ZNF615: variants seen among roughly 807,000 people sequenced by gnomAD.
ZNF615 encodes zinc finger protein 615.
ZNF615 carries 15 observed loss-of-function variants against 15.3 expected under a neutral mutation model. The ratio of observed to expected loss-of-function variants is 0.98; its 90% CI spans 0.66 to 1.51. The LOEUF (loss-of-function observed/expected upper bound fraction) is 1.51, where lower values mean the gene tolerates loss of function less well. Among genes scored for constraint, ZNF615 ranks in the 40% most tolerant of loss-of-function variants. ZNF615 has a pLI of 0.00. For synonymous variants in ZNF615, 268 were observed against 294.6 expected (o/e 0.91, Z 0.92); for missense variants, 848 against 895.9 (o/e 0.95, Z 0.68).
Position 51,993,651 on chromosome 19 carries a change from C to T in ZNF615, c.1458G>A (p.Gln486=). ...ATGGCTTCTCTGCAGTATGAGTTCGCTGATGTACAATGAGGTCACTCTTCA... is the reference window on the plus strand; with the variant it reads ...ATGGCTTCTCTGCAGTATGAGTTCGTTGATGTACAATGAGGTCACTCTTCA... ...FTMKSDLIVH[Q]RTHTAEKPYI... Residue 486 remains glutamine, a synonymous_variant, in exon 7 of 7, where the codon CAG becomes CAA. Transcript: ENST00000598071. 1 of 1,613,888 alleles carries T rather than the reference C, an allele frequency of 6.2e-7. No homozygotes were observed. Among genetic ancestry groups the T allele is most frequent in the East Asian group, 2.2e-5 (1 of 44,854 alleles).
intron 6 of ZNF615, among the ~76,000 whole-genome samples, chr19:51,999,676 A>C (rs1409883557): frequency 6.6e-6 from 1 of 152,232 alleles, no homozygotes; most frequent in Non-Finnish European, 1.5e-5. Flanking sequence ...ACAGAAATGA[A>C]TGCAGTCAAA....
chr19:51,993,961 A>G lies in ZNF615; in HGVS notation c.1148T>C (p.Phe383Ser), dbSNP rs767284854. ...HHRTHTGEKP[F>S]ICNKCGKGFT... Reference sequence around the variant, plus strand: ...GCCTTTCCCACATTTATTGCATATAAAGGGTTTCTCACCAGTATGAGTTCG... The same window carrying G: ...GCCTTTCCCACATTTATTGCATATAGAGGGTTTCTCACCAGTATGAGTTCG... The change falls in exon 7 of 7, where the codon TTT becomes TCT. Residue 383 changes from phenylalanine to serine, a missense_variant. Phe to Ser is a radical substitution (Grantham distance 155). Coordinates refer to ENST00000598071, the MANE Select transcript of ZNF615 (RefSeq NM_001199324.2). The G allele has an allele frequency of 5.6e-6, 9 of 1,611,258 alleles. No homozygotes were observed. The South Asian group carries it at 9.9e-5, about 18-fold the overall frequency.
chr19:51,998,890 A>C (rs1419334769), intron 6 of ZNF615, among the ~76,000 whole-genome samples: 1 of 152,144 alleles, frequency 6.6e-6, no homozygotes, highest in Non-Finnish European at 1.5e-5. Context: ...CCTGAACTCA[A>C]GTGATCCATC....
chr19:51,994,026 T>C lies in ZNF615; in HGVS notation c.1083A>G (p.Gly361=). The change falls in exon 7 of 7, where the codon GGA becomes GGG. Residue 361 remains glycine, a synonymous_variant. Transcript: ENST00000598071. The part of the protein sequence containing the change: ...GEKPYICSEC[G]KGFIEKRRLT... ...GACGCCTCTTCTCAATGAAGCCTTT[T>C]CCACATTCACTACATATATAAGGTT... 1 of 1,612,550 alleles carries C rather than the reference T, an allele frequency of 6.2e-7. No homozygotes were observed. Among genetic ancestry groups the C allele is most frequent in the Non-Finnish European group, 8.5e-7 (1 of 1,179,170 alleles).
chr19:52,003,787 G>A lies in ZNF615; in HGVS notation c.-76C>T, dbSNP rs372143389. The A allele has an allele frequency of 8.8e-6, 14 of 1,584,614 alleles. No homozygotes were observed. Among genetic ancestry groups the A allele is most frequent in the African/African-American group, 6.8e-5 (5 of 73,478 alleles). ...CTCTTCTGAATCAGCTCTAAATTTC[G>A]GTTCAAAAACTTCAATCTCCAATCA... On this transcript the variant is annotated 5_prime_UTR_variant, in exon 3 of 7. Coordinates refer to ENST00000598071, the MANE Select transcript of ZNF615 (RefSeq NM_001199324.2).
At chr19:52,001,993 C>T in intron 4 of ZNF615, 85 bp from the exon 5 acceptor site, 2 of 1,593,466 alleles carry the variant, frequency 1.3e-6, no homozygotes, top group Middle Eastern at 1.7e-4. Context: ...TTAAGGACTA[C>T]ATAGGTATCA....
chr19:51,996,407 A>AAAAAAACAC (rs755143397), intron 6 of ZNF615, among the ~76,000 whole-genome samples: 1 of 138,384 alleles, frequency 7.2e-6, no homozygotes, highest in East Asian at 2.2e-4. Flanking sequence ...AAAAAAAAAA[A>AAAAAAACAC]ACGCAAAACT....
In ZNF615 at chr19:51,994,565, T is replaced by A. The variant is rs375716314; in HGVS notation, c.544A>T (p.Lys182Ter). 2 of 1,614,018 alleles carry A rather than the reference T, an allele frequency of 1.2e-6. No homozygotes were observed. Among genetic ancestry groups the A allele is most frequent in the Non-Finnish European group, 1.7e-6 (2 of 1,180,028 alleles). ...AACTTCATTTCAGTATAAAATTGTT[T>A]ATGGTTAGCATGAAAAAGGGATTTC... ...DGKSLFHANH[K>*]QFYTEMKFPA... Residue 182 changes from lysine (K) to a stop codon, truncating the protein, a stop_gained, in exon 7 of 7, where the codon AAA becomes TAA. Coordinates refer to ENST00000598071, the MANE Select transcript of ZNF615 (RefSeq NM_001199324.2). LOFTEE classifies it low-confidence loss of function (END_TRUNC).
At chr19:52,001,139 G>C (rs2086578262) in intron 5 of ZNF615, among the ~76,000 whole-genome samples, 1 of 152,022 alleles carries the variant, frequency 6.6e-6, no homozygotes, top group Non-Finnish European at 1.5e-5. Flanking sequence ...TCAGAAAAAA[G>C]TAATGAGTTC....
intron 6 of ZNF615, among the ~76,000 whole-genome samples, chr19:51,997,516 ACT>A (rs61330406): frequency 0.39 from 59,501 of 151,822 alleles, 12,952 homozygotes; most frequent in African/African-American, 0.58. Context: ...ACTGGATCAT[ACT>A]ATCCCGTGTT....
Position 51,994,208 on chromosome 19 carries a change from A to G in ZNF615, c.901T>C (p.Cys301Arg), listed in dbSNP as rs2086347537. ...KTHMGGKPYT[C>R]SQCGKAFIKK... is the part of the protein sequence containing the mutation. ...ATGAAGGCTTTCCCACATTGGCTACATGTGTAAGGTTTCCCTCCCATATGA... is the reference window on the plus strand; with the variant it reads ...ATGAAGGCTTTCCCACATTGGCTACGTGTGTAAGGTTTCCCTCCCATATGA... Residue 301 changes from cysteine (C) to arginine (R), a missense_variant, in exon 7 of 7, where the codon TGT becomes CGT. Cys to Arg is a radical substitution (Grantham distance 180, BLOSUM62 -3). Transcript: ENST00000598071. 1 of 1,613,938 alleles carries G rather than the reference A, an allele frequency of 6.2e-7. No homozygotes were observed. Among genetic ancestry groups the G allele is most frequent in the Admixed American group, 1.7e-5 (1 of 59,996 alleles).
At chr19:52,007,233 G>T in intron 2 of ZNF615, 60 bp downstream of exon 2, 2 of 1,010,168 alleles carry the variant, frequency 2.0e-6, no homozygotes, top group Non-Finnish European at 2.7e-6. Flanking sequence ...TAACATACAC[G>T]TCTAAAATTG....
rs767820223 is a variant in ZNF615 at position 51,994,630 on chromosome 19, C to A, written c.479G>T (p.Ser160Ile). 1.1e-5 allele frequency: 17 copies of A among 1,613,110 alleles called. No homozygotes were observed. The highest frequency in any genetic ancestry group is 3.3e-5 in the Admixed American group (2 of 59,914). ...SNLSFENQKR[S>I]SGLKNSAEFN... ...CTCAGCAGAGTTCTTTAGGCCAGAG[C>A]TCCTTTTCTGGTTTTCAAAACTTAA... The change falls in exon 7 of 7, where the codon AGC becomes ATC. Residue 160 changes from serine to isoleucine, a missense_variant. Transcript: ENST00000598071.
intron 6 of ZNF615, among the ~76,000 whole-genome samples, chr19:51,995,496 C>T (rs2086391516): frequency 6.6e-6 from 1 of 151,098 alleles, no homozygotes; most frequent in African/African-American, 2.4e-5. Context: ...ATTTATTCTA[C>T]AAATGTTTGC....
At chr19:51,997,527 T>G (rs1412011247) in intron 6 of ZNF615, among the ~76,000 whole-genome samples, 2 of 152,158 alleles carry the variant, frequency 1.3e-5, no homozygotes, top group East Asian at 1.9e-4. Flanking sequence ...CTATCCCGTG[T>G]TGCTACAGAA....
chr19:51,995,859 A>C (rs545837307), intron 6 of ZNF615, among the ~76,000 whole-genome samples: 8 of 152,184 alleles, frequency 5.3e-5, no homozygotes, highest in African/African-American at 1.9e-4. Context: ...GAGCCACTGC[A>C]CTCAGCCAAT....
intron 6 of ZNF615, among the ~76,000 whole-genome samples, chr19:51,996,615 T>C (rs1186429596): frequency 6.6e-6 from 1 of 152,104 alleles, no homozygotes; most frequent in Non-Finnish European, 1.5e-5. Flanking sequence ...GAAACAGCAA[T>C]GTAGATGACA....
intron 3 of ZNF615, among the ~76,000 whole-genome samples, chr19:52,002,882 A>G (rs184812901): frequency 6.6e-6 from 1 of 151,126 alleles, no homozygotes; most frequent in East Asian, 1.9e-4. Flanking sequence ...GCTGGAGTGC[A>G]GTGGCACAAT....
Position 51,991,441 on chromosome 19 carries a change from T to G in ZNF615, c.*1439A>C, listed in dbSNP as rs902168137. 1 of 152,248 alleles carries G rather than the reference T, an allele frequency of 6.6e-6. No homozygotes were observed. Among genetic ancestry groups the G allele is most frequent in the Non-Finnish European group, 1.5e-5 (1 of 68,044 alleles). 9.4% of individuals were successfully genotyped at this position (152,248 alleles called of 1,614,324 possible). A position where few individuals can be genotyped will look rare whatever the true frequency, so the allele number is the denominator to read the frequency against. On this transcript the variant is annotated 3_prime_UTR_variant, in exon 7 of 7. Coordinates refer to ENST00000598071, the MANE Select transcript of ZNF615 (RefSeq NM_001199324.2). ...AACAAATAGTGGTATATTCGTATCA[T>G]AGATTATTAGTGGCCAATAAAAACA...
Sources: allele counts gnomAD v4.1 joint callset (sites outside exome capture counted in the v4.1 genomes callset), GRCh38; gene constraint gnomAD v4.1.1; transcripts MANE v1.5; gene names NCBI Gene and HGNC (gene_info 2026-07-23, HGNC 2026-07-21).